MACROD2: variants seen among roughly 807,000 people sequenced by gnomAD.
MACROD2 encodes the protein mono-ADP ribosylhydrolase 2, also known as ADP-ribose glycohydrolase MACROD2.
In MACROD2, 36 loss-of-function variants were observed where a neutral mutation model predicts 70.4. That is an observed-to-expected ratio of 0.51 (90% CI 0.39 to 0.68). The LOEUF (loss-of-function observed/expected upper bound fraction) is 0.68, where lower values mean the gene tolerates loss of function less well. Among genes scored for constraint, MACROD2 ranks in the 30% least tolerant of loss-of-function variants. MACROD2 has a pLI of 0.00. For missense variants in MACROD2, 496 were observed against 538.4 expected, an observed-to-expected ratio of 0.92 and a Z score of 0.78; for synonymous variants, 172 against 178.8, an observed-to-expected ratio of 0.96 and a Z score of 0.30.
At chr20:14,680,691 A>G (rs1179400043) in intron 4 of MACROD2, among the ~76,000 whole-genome samples, 1 of 152,182 alleles carries the variant, frequency 6.6e-6, no homozygotes, top group Non-Finnish European at 1.5e-5. Context: ...GAGTCAAATG[A>G]AAAATGAGTC....
At chr20:15,761,278 T>C (rs1034334360) in intron 8 of MACROD2, among the ~76,000 whole-genome samples, 2 of 152,220 alleles carry the variant, frequency 1.3e-5, no homozygotes. Flanking sequence ...ACTCCTGACC[T>C]CAGGTCATCT....
At chr20:14,699,481 T>G (rs2071167082) in intron 5 of MACROD2, among the ~76,000 whole-genome samples, 1 of 152,192 alleles carries the variant, frequency 6.6e-6, no homozygotes, top group Non-Finnish European at 1.5e-5. Flanking sequence ...CTATTTATTA[T>G]TTTGTGTCAG....
chr20:15,384,322 A>G (rs1377041855), intron 6 of MACROD2, among the ~76,000 whole-genome samples: 2 of 152,036 alleles, frequency 1.3e-5, no homozygotes, highest in African/African-American at 2.4e-5. Flanking sequence ...CAGTGGTGCA[A>G]TCTTGGCTCA....
chr20:14,273,307 G>GT (rs2082215622), intron 3 of MACROD2, among the ~76,000 whole-genome samples: 1 of 151,480 alleles, frequency 6.6e-6, no homozygotes, highest in Non-Finnish European at 1.5e-5. Flanking sequence ...TCAGACCACA[G>GT]TGCAATCAAA....
chr20:15,127,718 A>G (rs2076077109), intron 5 of MACROD2, among the ~76,000 whole-genome samples: 1 of 152,098 alleles, frequency 6.6e-6, no homozygotes, highest in Non-Finnish European at 1.5e-5. Flanking sequence ...CACACAACCA[A>G]TATGGCAGCT....
chr20:14,147,466 T>C (rs1226362352), intron 3 of MACROD2, among the ~76,000 whole-genome samples: 1 of 152,198 alleles, frequency 6.6e-6, no homozygotes, highest in Non-Finnish European at 1.5e-5. Flanking sequence ...CTCCTAATGT[T>C]AACTATCATC....
At chr20:14,223,716 C>T (rs902090441) in intron 3 of MACROD2, among the ~76,000 whole-genome samples, 2 of 151,990 alleles carry the variant, frequency 1.3e-5, no homozygotes, top group African/African-American at 4.8e-5. Context: ...CTATGTTGGC[C>T]AGGCTGGTCT....
intron 4 of MACROD2, among the ~76,000 whole-genome samples, chr20:14,669,519 A>C (rs2070772223): frequency 6.6e-6 from 1 of 152,140 alleles, no homozygotes; most frequent in African/African-American, 2.4e-5. Context: ...TCTTTGTAGG[A>C]AGAAAATTAG....
At chr20:14,104,746 A>C (rs1192648632) in intron 3 of MACROD2, among the ~76,000 whole-genome samples, 1 of 152,218 alleles carries the variant, frequency 6.6e-6, no homozygotes. Context: ...AAGCCCTCAC[A>C]TGCTGCTTTT....
intron 14 of MACROD2, 99 bp downstream of exon 14, chr20:15,986,900 T>C: frequency 9.5e-7 from 1 of 1,053,376 alleles, no homozygotes; most frequent in Non-Finnish European, 1.4e-6. Flanking sequence ...GTGTGTGTGT[T>C]TTAGGCAATG....
intron 8 of MACROD2, among the ~76,000 whole-genome samples, chr20:15,827,796 T>C (rs532225568): frequency 2.5e-4 from 38 of 152,296 alleles, no homozygotes; most frequent in African/African-American, 8.9e-4. Context: ...GCCATTTGCA[T>C]AGGGCATTGT....
intron 8 of MACROD2, among the ~76,000 whole-genome samples, chr20:15,682,748 C>A (rs537166021): frequency 5.9e-5 from 9 of 152,146 alleles, no homozygotes; most frequent in Non-Finnish European, 1.3e-4. Context: ...AAAGCATCTG[C>A]GGTTAATGGC....
intron 8 of MACROD2, among the ~76,000 whole-genome samples, chr20:15,544,990 T>C (rs985940403): frequency 1.3e-5 from 2 of 152,198 alleles, no homozygotes; most frequent in African/African-American, 4.8e-5. Flanking sequence ...TGGCTGTCAT[T>C]TGAAAATGTT....
intron 3 of MACROD2, among the ~76,000 whole-genome samples, chr20:14,179,674 A>G (rs1260516073): frequency 6.6e-6 from 1 of 152,210 alleles, no homozygotes; most frequent in Non-Finnish European, 1.5e-5. Context: ...TGACACAAAT[A>G]TGTTGGAAAT....
At chr20:15,082,091 T>C (rs1196579796) in intron 5 of MACROD2, among the ~76,000 whole-genome samples, 1 of 152,170 alleles carries the variant, frequency 6.6e-6, no homozygotes, top group Admixed American at 6.5e-5. Flanking sequence ...GATCTCTGCA[T>C]GTTGTACCTC....
chr20:14,916,805 C>T (rs1215464862), intron 5 of MACROD2, among the ~76,000 whole-genome samples: 1 of 152,040 alleles, frequency 6.6e-6, no homozygotes, highest in African/African-American at 2.4e-5. Flanking sequence ...TCCCGTATTC[C>T]CTGCCTCTAG....
At chr20:15,094,787 A>G (rs17357022) in intron 5 of MACROD2, among the ~76,000 whole-genome samples, 18,567 of 152,086 alleles carry the variant, frequency 0.12, 1,248 homozygotes, top group Middle Eastern at 0.18. Flanking sequence ...AACATTATTG[A>G]GATGCTATTT....
At chr20:15,825,558 G>A (rs1401792663) in intron 8 of MACROD2, among the ~76,000 whole-genome samples, 1 of 151,884 alleles carries the variant, frequency 6.6e-6, no homozygotes, top group Admixed American at 6.6e-5. Flanking sequence ...GAGTACAGTG[G>A]CCCAATCTTG....
chr20:14,166,495 C>A (rs984297567), intron 3 of MACROD2, among the ~76,000 whole-genome samples: 6 of 152,138 alleles, frequency 3.9e-5, no homozygotes, highest in African/African-American at 1.4e-4. Context: ...AATATTACTT[C>A]TTTCAAGTTA....
Sources: allele counts gnomAD v4.1 joint callset (sites outside exome capture counted in the v4.1 genomes callset), GRCh38; gene constraint gnomAD v4.1.1; transcripts MANE v1.5; gene names NCBI Gene and HGNC (gene_info 2026-07-23, HGNC 2026-07-21).